GNB4: variants seen among roughly 807,000 people sequenced by gnomAD.
The protein encoded by GNB4 is guanine nucleotide-binding protein subunit beta-4.
GNB4 carries 28 observed loss-of-function variants against 45.2 expected under a neutral mutation model. The observed-to-expected ratio is 0.62, with a 90% CI of 0.46 to 0.85. The LOEUF (loss-of-function observed/expected upper bound fraction) is 0.85. Among genes scored for constraint, GNB4 ranks in the 40% least tolerant of loss-of-function variants. The pLI, the probability that GNB4 is intolerant of heterozygous loss-of-function variation, is 0.00. For synonymous variants in GNB4, 132 were observed against 143.7 expected, an observed-to-expected ratio of 0.92 and a Z score of 0.58; for missense variants, 321 against 425.4, an observed-to-expected ratio of 0.75 and a Z score of 2.16.
rs557083510 is a variant in GNB4, at chr3:179,415,931, T to C, written c.267+562A>G. Among the ~76,000 whole-genome samples the C allele has an allele frequency of 3.3e-5, 5 of 152,278 alleles. No individual in the cohort carries two copies. In the South Asian group the frequency reaches 1.0e-3, roughly 32 times the overall value. Reference sequence around the variant, plus strand: ...AATACTAATATGTATACACAGAGTATAAAGGTATTAGCTTATCAAAGTATT... The same window carrying C: ...AATACTAATATGTATACACAGAGTACAAAGGTATTAGCTTATCAAAGTATT... On this transcript the variant is annotated intron_variant, in intron 5 of 9. Coordinates refer to ENST00000232564, the MANE Select transcript of GNB4 (RefSeq NM_021629.4).
chr3:179,484,444 C>T, the GNB4 span, among the ~76,000 whole-genome samples: 12 of 152,324 alleles, frequency 7.9e-5, no homozygotes, highest in South Asian at 2.1e-4. Flanking sequence ...AAGACACTTT[C>T]GTGCTCCTTT....
intron 1 of GNB4, among the ~76,000 whole-genome samples, chr3:179,432,220 G>C (rs1715328608): frequency 1.3e-5 from 2 of 152,314 alleles, no homozygotes; most frequent in South Asian, 4.1e-4. Context: ...CAGAACCCTT[G>C]TGATGCCTGT....
the GNB4 span, among the ~76,000 whole-genome samples, chr3:179,504,510 T>C: frequency 6.6e-6 from 1 of 152,160 alleles, no homozygotes; most frequent in East Asian, 1.9e-4. Flanking sequence ...GAAATAGTTA[T>C]TAGAACACCA....
chr3:179,468,031 T>TTAA, the GNB4 span, among the ~76,000 whole-genome samples: 15 of 67,242 alleles, frequency 2.2e-4, no homozygotes, highest in South Asian at 8.9e-4. Context: ...ATTTTGTTGA[T>TTAA]AAAAATATAT....
chr3:179,519,511 G>A, the GNB4 span, among the ~76,000 whole-genome samples: 8,485 of 151,902 alleles, frequency 0.056, 657 homozygotes, highest in African/African-American at 0.18. Flanking sequence ...TTGTATTGAT[G>A]GCCAGGCTTC....
At chr3:179,522,066 A>G in the GNB4 span, among the ~76,000 whole-genome samples, 6 of 152,132 alleles carry the variant, frequency 3.9e-5, no homozygotes, top group Non-Finnish European at 7.3e-5. Context: ...TCTTATTAAT[A>G]TAAGAAGACA....
At chr3:179,446,946 G>A (rs1019506515) in intron 1 of GNB4, among the ~76,000 whole-genome samples, 2 of 152,088 alleles carry the variant, frequency 1.3e-5, no homozygotes, top group African/African-American at 4.8e-5. Context: ...TAGAGATTCG[G>A]TAGTAAACAA....
the GNB4 span, among the ~76,000 whole-genome samples, chr3:179,504,789 G>A: frequency 6.6e-6 from 1 of 152,356 alleles, no homozygotes; most frequent in South Asian, 2.1e-4. Flanking sequence ...TAGGTGGCCT[G>A]TGTGAGCTTT....
chr3:179,465,419 T>A, the GNB4 span: 1 of 482,580 alleles, frequency 2.1e-6, no homozygotes, highest in Non-Finnish European at 3.7e-6. Context: ...CTGGCTAACA[T>A]GGTGAAACCC....
At chr3:179,425,059 A>C (rs970566810) in intron 2 of GNB4, among the ~76,000 whole-genome samples, 7 of 152,220 alleles carry the variant, frequency 4.6e-5, no homozygotes, top group African/African-American at 1.7e-4. Context: ...TGGGAAAAGA[A>C]GTAGGCAGCT....
the GNB4 span, among the ~76,000 whole-genome samples, chr3:179,523,781 TG>T: frequency 2.0e-5 from 3 of 149,756 alleles, no homozygotes; most frequent in South Asian, 4.2e-4. Flanking sequence ...TGGGTTAAGG[TG>T]GGGGGGATAT....
At chr3:179,445,510 T>G (rs1250252683) in intron 1 of GNB4, among the ~76,000 whole-genome samples, 1 of 152,150 alleles carries the variant, frequency 6.6e-6, no homozygotes, top group Non-Finnish European at 1.5e-5. Flanking sequence ...GGTCTTAAAC[T>G]CCTAGGCTCA....
At chr3:179,496,737 A>G in the GNB4 span, among the ~76,000 whole-genome samples, 1 of 152,162 alleles carries the variant, frequency 6.6e-6, no homozygotes, top group African/African-American at 2.4e-5. Context: ...CTGTAACGGG[A>G]GACAAAGAAG....
At chr3:179,482,192 G>C in the GNB4 span, among the ~76,000 whole-genome samples, 1 of 152,054 alleles carries the variant, frequency 6.6e-6, no homozygotes, top group Non-Finnish European at 1.5e-5. Flanking sequence ...CACCACACCT[G>C]GCCTGCTTCT....
At chr3:179,445,310 G>C (rs1347531209) in intron 1 of GNB4, among the ~76,000 whole-genome samples, 1 of 151,786 alleles carries the variant, frequency 6.6e-6, no homozygotes, top group African/African-American at 2.4e-5. Flanking sequence ...TTTTAAGACA[G>C]GGTCTCCTCT....
chr3:179,465,823 CTT>C, the GNB4 span, among the ~76,000 whole-genome samples: 8 of 26,934 alleles, frequency 3.0e-4, no homozygotes, highest in African/African-American at 8.2e-4. Context: ...TCTTCTTCTT[CTT>C]TTTTTTTTTT....
chr3:179,407,656 T>C (rs1271374497), intron 8 of GNB4, among the ~76,000 whole-genome samples: 1 of 151,854 alleles, frequency 6.6e-6, no homozygotes, highest in East Asian at 1.9e-4. Context: ...TCACAGAGAG[T>C]GTCAGAGAGG....
the GNB4 span, among the ~76,000 whole-genome samples, chr3:179,526,974 G>A: frequency 1.3e-5 from 2 of 152,214 alleles, no homozygotes; most frequent in African/African-American, 4.8e-5. Context: ...TAAGAGAGCA[G>A]AGAGAACATT....
chr3:179,480,275 G>C, the GNB4 span, among the ~76,000 whole-genome samples: 1 of 152,286 alleles, frequency 6.6e-6, no homozygotes, highest in East Asian at 1.9e-4. Context: ...ACAGAAAACA[G>C]ACAAAGACAG....
Sources: gnomAD v4.1 joint callset for allele counts (sites outside exome capture counted in the v4.1 genomes callset) on GRCh38, gnomAD v4.1.1 for gene constraint, MANE v1.5 for transcripts, NCBI Gene and HGNC (gene_info 2026-07-23, HGNC 2026-07-21) for gene names.